The following RNF121 variants were observed in gnomAD, a reference collection of about 807,000 sequenced individuals.
The protein encoded by RNF121 is ring finger protein 121, also known as E3 ubiquitin ligase RNF121.
A neutral mutation model predicts 46.5 loss-of-function variants in RNF121; 21 were observed. The observed-to-expected ratio is 0.45, with a 90% CI of 0.32 to 0.65. The LOEUF (loss-of-function observed/expected upper bound fraction) is 0.65, where lower values mean the gene tolerates loss of function less well. Ranked by LOEUF, RNF121 falls within the 30% of genes least tolerant of loss-of-function variation. The pLI is 0.04. For synonymous variants in RNF121, 139 were observed against 144.7 expected, an observed-to-expected ratio of 0.96 and a Z score of 0.28; for missense variants, 346 against 416.0, an observed-to-expected ratio of 0.83 and a Z score of 1.46.
intron 1 of RNF121, among the ~76,000 whole-genome samples, chr11:71,953,587 C>T (rs1953929943): frequency 7.0e-6 from 1 of 142,390 alleles, no homozygotes; most frequent in African/African-American, 2.5e-5. Context: ...TTAACAAGCT[C>T]TCAGGGTACT....
At chr11:71,962,666 T>G (rs958412324) in intron 3 of RNF121, among the ~76,000 whole-genome samples, 2 of 152,224 alleles carry the variant, frequency 1.3e-5, no homozygotes, top group Non-Finnish European at 2.9e-5. Flanking sequence ...CATCTTACAC[T>G]GAGAAACTTA....
chr11:71,943,262 A>AT (rs1464899577), intron 1 of RNF121, among the ~76,000 whole-genome samples: 1 of 152,124 alleles, frequency 6.6e-6, no homozygotes, highest in South Asian at 2.1e-4. Context: ...TTGCTTTTAT[A>AT]TTTTTTTGAA....
intron 1 of RNF121, among the ~76,000 whole-genome samples, chr11:71,929,740 G>T (rs765706995): frequency 1.8e-4 from 27 of 152,182 alleles, no homozygotes; most frequent in Non-Finnish European, 7.4e-5. Context: ...TAAACATTAT[G>T]ACTTTTGCTC....
At chr11:71,952,925 A>G (rs1953917761) in intron 1 of RNF121, among the ~76,000 whole-genome samples, 2 of 152,262 alleles carry the variant, frequency 1.3e-5, no homozygotes, top group South Asian at 4.1e-4. Flanking sequence ...CACTCTCAGC[A>G]ATTTTGAAAT....
chr11:71,929,575 C>G (rs556910744), intron 1 of RNF121, among the ~76,000 whole-genome samples: 100 of 152,110 alleles, frequency 6.6e-4, no homozygotes, highest in Non-Finnish European at 8.8e-4. Flanking sequence ...AGTAGTATAG[C>G]TTTGAGTTAT....
chr11:71,984,627 C>G (rs985838081), intron 4 of RNF121, among the ~76,000 whole-genome samples: 1 of 151,914 alleles, frequency 6.6e-6, no homozygotes, highest in African/African-American at 2.4e-5. Flanking sequence ...GGGTCTCACT[C>G]TGTCACCCAG....
chr11:71,979,993 C>G (rs756898594), intron 3 of RNF121, among the ~76,000 whole-genome samples: 2 of 152,158 alleles, frequency 1.3e-5, no homozygotes, highest in African/African-American at 4.8e-5. Flanking sequence ...AGTTGGGTTG[C>G]GTTTTCCCCA....
At chr11:71,982,218 C>T (rs1379745628) in intron 3 of RNF121, among the ~76,000 whole-genome samples, 1 of 151,602 alleles carries the variant, frequency 6.6e-6, no homozygotes, top group Non-Finnish European at 1.5e-5. Context: ...CGCCTGTAAT[C>T]CCAGCTACTT....
intron 4 of RNF121, among the ~76,000 whole-genome samples, chr11:71,986,129 T>C (rs948814701): frequency 5.9e-5 from 9 of 152,182 alleles, no homozygotes; most frequent in African/African-American, 2.2e-4. Context: ...AAGGTACTTC[T>C]TAAGTGCCTC....
intron 1 of RNF121, among the ~76,000 whole-genome samples, chr11:71,940,003 T>C (rs1162670737): frequency 2.0e-5 from 3 of 152,188 alleles, no homozygotes; most frequent in Non-Finnish European, 2.9e-5. Flanking sequence ...TTTGGGAGCA[T>C]TAAAGAAGAC....
Position 71,994,728 on chromosome 11 carries a change from G to C in RNF121, c.637G>C (p.Glu213Gln), listed in dbSNP as rs375513323. 5 of 1,614,076 alleles carry C rather than the reference G, an allele frequency of 3.1e-6. No individual in the cohort carries two copies. The highest frequency in any genetic ancestry group is 4.2e-6 in the Non-Finnish European group (5 of 1,180,022). ...TGCTATTCTCCTTCAGTTCTACAGCGAGTCGGGCATGCCTACCAAACATCT... is the reference window on the plus strand; with the variant it reads ...TGCTATTCTCCTTCAGTTCTACAGCCAGTCGGGCATGCCTACCAAACATCT... ...YMASTIGFYS[E>Q]SGMPTKHLSD... is the part of the protein sequence containing the mutation. The change falls in exon 7 of 9, where the codon GAG (glutamate) becomes CAG (glutamine). Residue 213 changes from glutamate to glutamine, a missense_variant. Glu to Gln is a conservative substitution (Grantham distance 29). Around this residue, in one of 2 missense-constraint regions of RNF121, gnomAD observed 286 missense variants for 383.8 expected, o/e 0.75. Transcript: ENST00000361756.
chr11:71,936,253 A>T (rs1163987959), intron 1 of RNF121, among the ~76,000 whole-genome samples: 1 of 152,200 alleles, frequency 6.6e-6, no homozygotes, highest in African/African-American at 2.4e-5. Flanking sequence ...AAAGGCTTAC[A>T]TATAACCTCT....
chr11:71,949,375 A>T (rs1379081550), intron 1 of RNF121, among the ~76,000 whole-genome samples: 1 of 152,076 alleles, frequency 6.6e-6, no homozygotes, highest in Admixed American at 6.6e-5. Context: ...CTGTGATTGC[A>T]CTACGGCACT....
chr11:71,990,486 C>T (rs2276383), intron 5 of RNF121, 111 bp from the exon 6 acceptor site: 41,272 of 1,392,038 alleles, frequency 0.03, 713 homozygotes, highest in East Asian at 0.064. Context: ...CGCACTTGCT[C>T]TAGCCTTTGG....
In RNF121 at chr11:71,990,644, A is replaced by G. The variant is rs547323589; in HGVS notation, c.554A>G (p.Tyr185Cys). 3 of 1,614,146 alleles carry G rather than the reference A, an allele frequency of 1.9e-6. No individual in the cohort carries two copies. Among genetic ancestry groups the G allele is most frequent in the Non-Finnish European group, 2.5e-6 (3 of 1,179,992 alleles). Residue 185 changes from tyrosine (Y) to cysteine (C), a missense_variant, in exon 6 of 9, where the codon TAT (tyrosine) becomes TGT (cysteine). Tyr to Cys is a radical substitution (Grantham distance 194). Transcript: ENST00000361756. ...GACTTTGGCATCTCCCTTCTCTTCT[A>G]TGGCCTCTACTATGGAGTTCTGGAA... ...AMDFGISLLF[Y>C]GLYYGVLERD...
chr11:71,942,445 A>G (rs1359568222), intron 1 of RNF121, among the ~76,000 whole-genome samples: 2 of 151,988 alleles, frequency 1.3e-5, no homozygotes, highest in Non-Finnish European at 2.9e-5. Flanking sequence ...ATAGTAAAAT[A>G]CCTTAGACTG....
chr11:71,981,209 C>T (rs950525311), intron 3 of RNF121, among the ~76,000 whole-genome samples: 8 of 57,454 alleles, frequency 1.4e-4, no homozygotes, highest in South Asian at 6.4e-4. Flanking sequence ...CCACCACACC[C>T]GGCTAATTTT....
At chr11:71,954,073 T>G (rs1953937515) in intron 1 of RNF121, among the ~76,000 whole-genome samples, 1 of 152,198 alleles carries the variant, frequency 6.6e-6, no homozygotes, top group Non-Finnish European at 1.5e-5. Flanking sequence ...CATGAATCAG[T>G]AAGTATCCTT....
At chr11:71,963,913 G>A (rs188402775) in intron 3 of RNF121, among the ~76,000 whole-genome samples, 1 of 152,198 alleles carries the variant, frequency 6.6e-6, no homozygotes, top group East Asian at 1.9e-4. Context: ...TATGATTACT[G>A]TAGCACTGTA....
Sources: gnomAD v4.1 joint callset for allele counts (sites outside exome capture counted in the v4.1 genomes callset) on GRCh38, gnomAD v4.1.1 for gene constraint, gnomAD v4.1.1 regional missense constraint, MANE v1.5 for transcripts, NCBI Gene and HGNC (gene_info 2026-07-23, HGNC 2026-07-21) for gene names.